The following PCDH11X variants were observed in gnomAD, a reference collection of about 807,000 sequenced individuals.
PCDH11X encodes the protein protocadherin 11 X-linked, also known as protocadherin-11 X-linked.
A neutral mutation model predicts 53.3 loss-of-function variants in PCDH11X; 18 were observed. The observed-to-expected ratio is 0.34, with a 90% CI of 0.23 to 0.50. PCDH11X has a LOEUF of 0.50. Ranked by LOEUF, PCDH11X falls within the 20% of genes least tolerant of loss-of-function variation. The pLI is 0.98. For missense variants in PCDH11X, 570 were observed against 1,032.4 expected (o/e 0.55, Z 6.14); for synonymous variants, 279 against 393.3 (o/e 0.71, Z 3.44).
chrX:92,289,737 GT>G (rs2068454577), intron 8 of PCDH11X, among the ~76,000 whole-genome samples: 1 of 111,055 alleles, frequency 9.0e-6, no homozygotes, highest in Non-Finnish European at 1.9e-5. Context: ...TGTAGACTCA[GT>G]AATAGTAGGA....
chrX:92,038,360 A>G (rs1410128599), intron 6 of PCDH11X, among the ~76,000 whole-genome samples: 1 of 110,454 alleles, frequency 9.1e-6, no homozygotes, highest in Admixed American at 9.7e-5. Context: ...TTGGTGCCCT[A>G]TGTCCCAGGA....
chrX:91,788,963 G>T (rs1935424957), intron 1 of PCDH11X, among the ~76,000 whole-genome samples: 1 of 111,399 alleles, frequency 9.0e-6, no homozygotes, highest in Non-Finnish European at 1.9e-5. Context: ...ACTTTGGGAG[G>T]CTGAGGCGGG....
At chrX:92,309,927 T>A (rs1412910249) in intron 8 of PCDH11X, among the ~76,000 whole-genome samples, 1 of 112,155 alleles carries the variant, frequency 8.9e-6, no homozygotes, top group Non-Finnish European at 1.9e-5. Context: ...CTCTTCCTTG[T>A]TGGTATAGAA....
chrX:92,200,421 G>A (rs766927093), intron 6 of PCDH11X, among the ~76,000 whole-genome samples: 5 of 111,505 alleles, frequency 4.5e-5, no homozygotes, highest in Non-Finnish European at 9.4e-5. Context: ...TCCTACTGCT[G>A]GTTATATATC....
chrX:92,038,908 C>T (rs369213530), intron 6 of PCDH11X, among the ~76,000 whole-genome samples: 34 of 110,799 alleles, frequency 3.1e-4, no homozygotes, highest in African/African-American at 1.0e-3. Flanking sequence ...GATTATGAGG[C>T]CTCTCCAGCC....
chrX:91,841,097 G>T (rs766700339), intron 5 of PCDH11X, among the ~76,000 whole-genome samples: 1 of 110,295 alleles, frequency 9.1e-6, no homozygotes, highest in Admixed American at 9.8e-5. Flanking sequence ...GAAAGCTGGG[G>T]TTATTATCAA....
intron 6 of PCDH11X, among the ~76,000 whole-genome samples, chrX:92,030,458 A>C (rs1191299232): frequency 9.2e-6 from 1 of 108,556 alleles, no homozygotes; most frequent in Non-Finnish European, 1.9e-5. Flanking sequence ...TAGGGCATCT[A>C]TCCCCTCAAG....
intron 4 of PCDH11X, among the ~76,000 whole-genome samples, chrX:91,828,307 A>G (rs990333368): frequency 1.4e-4 from 15 of 109,292 alleles, no homozygotes; most frequent in African/African-American, 5.0e-4. Context: ...TTTTTAGTAG[A>G]GACGGGGTTT....
At chrX:92,457,088 C>T (rs968573698) in intron 9 of PCDH11X, among the ~76,000 whole-genome samples, 1 of 109,038 alleles carries the variant, frequency 9.2e-6, no homozygotes, top group Non-Finnish European at 1.9e-5. Context: ...CTTTCAATAT[C>T]AAGCAAACGG....
chrX:92,506,210 T>A (rs1048284490), intron 10 of PCDH11X, among the ~76,000 whole-genome samples: 3 of 64,349 alleles, frequency 4.7e-5, no homozygotes, highest in African/African-American at 1.6e-4. Flanking sequence ...CATTTTCTTT[T>A]CTTTTCTTTT....
rs367909828 is a variant in PCDH11X at position 92,148,005 on chromosome X, C to A, written c.3034-53370C>A. On this transcript the variant is annotated intron_variant, in intron 6 of 10. Transcript: ENST00000682573. ...CCTTCCTTTCTTTCTTTCTTTCTTTCTTTTTCTTTCCTTCCTTCCTTCCTT... is the reference window on the plus strand; with the variant it reads ...CCTTCCTTTCTTTCTTTCTTTCTTTATTTTTCTTTCCTTCCTTCCTTCCTT... Among the ~76,000 whole-genome samples the A allele has an allele frequency of 2.2e-4, 16 of 72,895 alleles. No homozygotes were observed. In the South Asian group the frequency reaches 0.012, roughly 52 times the overall value. The allele number at this position is 72,895 out of a possible 115,157, so 63.3% of individuals were successfully genotyped here. A position where few individuals can be genotyped will look rare whatever the true frequency, so the allele number is the denominator to read the frequency against.
chrX:91,918,154 C>T (rs1441873228), intron 6 of PCDH11X, among the ~76,000 whole-genome samples: 1 of 108,642 alleles, frequency 9.2e-6, no homozygotes, highest in Non-Finnish European at 1.9e-5. Flanking sequence ...CCTAAAACTA[C>T]TAATTTATTA....
chrX:91,973,145 G>A (rs946743600), intron 6 of PCDH11X, among the ~76,000 whole-genome samples: 2 of 107,776 alleles, frequency 1.9e-5, no homozygotes, highest in Non-Finnish European at 1.9e-5. Flanking sequence ...GTAGGGACAT[G>A]GATGAAATTG....
chrX:91,779,415 T>C lies in PCDH11X; in HGVS notation c.-648T>C, dbSNP rs1569374432. The C allele has an allele frequency of 9.2e-6, 1 of 108,770 alleles. No homozygotes were observed. Among genetic ancestry groups the C allele is most frequent in the Non-Finnish European group, 1.9e-5 (1 of 52,237 alleles). 9.0% of individuals were successfully genotyped at this position (108,770 alleles called of 1,213,427 possible). On this transcript the variant is annotated 5_prime_UTR_variant, in exon 1 of 11. Transcript: ENST00000682573. ...TCGGGGCGGGAGGAGCCGTGAGCAG[T>C]AGCTGCACTCAGCTGCCCGCGCGGC...
chrX:92,175,845 G>A lies in PCDH11X; in HGVS notation c.3034-25530G>A, dbSNP rs777335696. Among the ~76,000 whole-genome samples the A allele has an allele frequency of 4.8e-5, 5 of 103,926 alleles. No individual in the cohort carries two copies. The South Asian group carries it at 2.3e-3, about 49-fold the overall frequency. The allele number at this position is 103,926 out of a possible 115,157, so 90.2% of individuals were successfully genotyped here. A position where few individuals can be genotyped will look rare whatever the true frequency, so the allele number is the denominator to read the frequency against. On this transcript the variant is annotated intron_variant, in intron 6 of 10. Transcript: ENST00000682573. ...AAAAATATACGTGTATTCCTTAGGC[G>A]TTCACCCACCTCTGTTATAACTAAA...
chrX:92,276,167 A>T (rs1014781767), intron 8 of PCDH11X, among the ~76,000 whole-genome samples: 3 of 109,071 alleles, frequency 2.8e-5, no homozygotes, highest in African/African-American at 1.0e-4. Flanking sequence ...TACAACAGTT[A>T]TGGAGGCAAG....
chrX:92,102,414 T>G (rs374412300), intron 6 of PCDH11X, among the ~76,000 whole-genome samples: 3,143 of 108,595 alleles, frequency 0.029, 98 homozygotes, highest in African/African-American at 0.1. Flanking sequence ...TGGCTCTTGT[T>G]TAAGAATTCT....
At chrX:92,592,403 G>A (rs1925122368) in intron 10 of PCDH11X, among the ~76,000 whole-genome samples, 1 of 110,327 alleles carries the variant, frequency 9.1e-6, no homozygotes, top group Non-Finnish European at 1.9e-5. Context: ...CTTAGTAATG[G>A]CTTACTGATT....
intron 10 of PCDH11X, among the ~76,000 whole-genome samples, chrX:92,576,326 G>C (rs1490067994): frequency 7.8e-5 from 7 of 89,239 alleles, no homozygotes; most frequent in South Asian, 6.3e-4. Context: ...TTAGACAACA[G>C]ATCAATGAGT....
Sources: gnomAD v4.1 joint callset for allele counts (sites outside exome capture counted in the v4.1 genomes callset) on GRCh38, gnomAD v4.1.1 for gene constraint, MANE v1.5 for transcripts, NCBI Gene and HGNC (gene_info 2026-07-23, HGNC 2026-07-21) for gene names.